The following OSTM1 variants were observed in gnomAD, a reference collection of about 807,000 sequenced individuals.
OSTM1 encodes osteoclastogenesis associated transmembrane protein 1.
OSTM1 carries 26 observed loss-of-function variants against 35.4 expected under a neutral mutation model. The observed-to-expected ratio is 0.73, with a 90% CI of 0.54 to 1.02. OSTM1 has a LOEUF of 1.02. OSTM1 is among the 50% of genes least tolerant of loss of function. OSTM1 has a pLI of 0.00. For synonymous variants in OSTM1, 181 were observed against 165.0 expected, an observed-to-expected ratio of 1.10 and a Z score of -0.75; for missense variants, 366 against 409.6, an observed-to-expected ratio of 0.89 and a Z score of 0.92.
chr6:108,064,982 C>T (rs1463763445), intron 1 of OSTM1, among the ~76,000 whole-genome samples: 1 of 152,168 alleles, frequency 6.6e-6, no homozygotes, highest in Non-Finnish European at 1.5e-5. Flanking sequence ...CCACAGCCTC[C>T]CAGGTAGCTG....
chr6:108,051,788 T>C (rs1300154659), intron 3 of OSTM1, among the ~76,000 whole-genome samples: 3 of 152,170 alleles, frequency 2.0e-5, no homozygotes, highest in Non-Finnish European at 4.4e-5. Flanking sequence ...TACCAAAGAA[T>C]TGTATAACCT....
chr6:108,045,127 TA>T (rs1390711583), intron 5 of OSTM1, among the ~76,000 whole-genome samples: 3 of 152,254 alleles, frequency 2.0e-5, no homozygotes, highest in African/African-American at 7.2e-5. Context: ...GTACGTGAAA[TA>T]AATGTACTTA....
In OSTM1 at chr6:108,074,475, G is replaced by A. The variant is rs377316819; in HGVS notation, c.177C>T (p.Ser59=). The change falls in exon 1 of 6, where the codon TCC becomes TCT. Residue 59 remains serine (S), a synonymous_variant. Transcript: ENST00000193322. ...EQQLLEVEDL[S]LSLLQGGGLG... ...GCCCTCCACCCTGCAGGAGGGACAG[G>A]GACAAGTCCTCCACCTCCAGCAACT... 180 of 1,557,658 alleles carry A rather than the reference G, an allele frequency of 1.2e-4. 1 individual carries two copies. The African/African-American group carries it at 2.3e-3, about 20-fold the overall frequency.
chr6:108,042,216 G>C lies in OSTM1; in HGVS notation c.*2569C>G, dbSNP rs1278886176. On this transcript the variant is annotated 3_prime_UTR_variant, in exon 6 of 6. Transcript: ENST00000193322. ...GGAGGCTAAGGCAGGAGGATCTCTT[G>C]AACTCAGGAGTTCAAGACCAGCTTG... 8.1e-6 allele frequency: 1 copy of C among 122,878 alleles called. No homozygotes were observed. Among genetic ancestry groups the C allele is most frequent in the Admixed American group, 1.1e-4 (1 of 9,230 alleles). The allele number at this position is 122,878 out of a possible 1,614,324, so 7.6% of individuals were successfully genotyped here. A position where few individuals can be genotyped will look rare whatever the true frequency, so the allele number is the denominator to read the frequency against.
chr6:108,071,868 C>T (rs941880904), intron 1 of OSTM1, among the ~76,000 whole-genome samples: 3 of 152,036 alleles, frequency 2.0e-5, no homozygotes, highest in Admixed American at 2.0e-4. Flanking sequence ...AGCTGGGTAC[C>T]CAGGTTGCTG....
At chr6:108,053,634 T>C (rs1772120474) in intron 3 of OSTM1, among the ~76,000 whole-genome samples, 1 of 152,078 alleles carries the variant, frequency 6.6e-6, no homozygotes, top group African/African-American at 2.4e-5. Context: ...CCTGGCTAAG[T>C]TTTGTATTTT....
intron 5 of OSTM1, among the ~76,000 whole-genome samples, chr6:108,046,454 G>A (rs1220656031): frequency 6.7e-6 from 1 of 149,882 alleles, no homozygotes; most frequent in Admixed American, 6.7e-5. Flanking sequence ...CGATTTTCCT[G>A]CCTCAGCCTC....
intron 1 of OSTM1, among the ~76,000 whole-genome samples, chr6:108,071,753 C>A (rs1024166837): frequency 6.6e-6 from 1 of 151,980 alleles, no homozygotes; most frequent in African/African-American, 2.4e-5. Flanking sequence ...GGAAATAAGG[C>A]GAGCCGAGAC....
At chr6:108,064,404 A>T in intron 1 of OSTM1, 105 bp from the exon 2 acceptor site, 1 of 713,390 alleles carries the variant, frequency 1.4e-6, no homozygotes, top group Non-Finnish European at 2.5e-6. Context: ...TAAGCTTTTT[A>T]ACATTTTGTT....
At chr6:108,048,859 C>T (rs561487442) in intron 5 of OSTM1, among the ~76,000 whole-genome samples, 1 of 145,280 alleles carries the variant, frequency 6.9e-6, no homozygotes, top group Non-Finnish European at 1.5e-5. Flanking sequence ...TCAAATGATT[C>T]TCCTGCCTCA....
At chr6:108,060,389 G>T (rs1772252471) in intron 2 of OSTM1, among the ~76,000 whole-genome samples, 1 of 152,132 alleles carries the variant, frequency 6.6e-6, no homozygotes, top group South Asian at 2.1e-4. Context: ...GGGGAAAAAA[G>T]GTCTGTACTT....
chr6:108,050,833 A>G (rs1772063219), intron 4 of OSTM1, among the ~76,000 whole-genome samples, 198 bp downstream of exon 4: 2 of 152,202 alleles, frequency 1.3e-5, no homozygotes, highest in African/African-American at 4.8e-5. Context: ...TTTTATCCTA[A>G]CCATGAGACT....
In OSTM1 at chr6:108,043,743, A is replaced by G. The variant is rs948182939; in HGVS notation, c.*1042T>C. ...TGATTGAAATAATTTAGAAACAATA[A>G]GGATGATCTTAATCTCACTATTTTC... On this transcript the variant is annotated 3_prime_UTR_variant, in exon 6 of 6. Transcript: ENST00000193322. The G allele has an allele frequency of 2.6e-5, 4 of 152,234 alleles. No homozygotes were observed. Among genetic ancestry groups the G allele is most frequent in the African/African-American group, 9.6e-5 (4 of 41,456 alleles). The allele number at this position is 152,234 out of a possible 1,614,324, so 9.4% of individuals were successfully genotyped here.
At chr6:108,062,234 T>C (rs1375000645) in intron 2 of OSTM1, among the ~76,000 whole-genome samples, 3 of 152,166 alleles carry the variant, frequency 2.0e-5, no homozygotes, top group Admixed American at 1.3e-4. Context: ...ACCATGACAG[T>C]TGACCTTATA....
Position 108,074,730 on chromosome 6 carries a change from G to A in OSTM1, c.-79C>T, listed in dbSNP as rs978269919. The A allele has an allele frequency of 1.4e-6, 2 of 1,398,104 alleles. No individual in the cohort carries two copies. Among genetic ancestry groups the A allele is most frequent in the Non-Finnish European group, 1.9e-6 (2 of 1,076,382 alleles). The allele number at this position is 1,398,104 out of a possible 1,614,324, so 86.6% of individuals were successfully genotyped here. A position where few individuals can be genotyped will look rare whatever the true frequency, so the allele number is the denominator to read the frequency against. On this transcript the variant is annotated 5_prime_UTR_variant, in exon 1 of 6. Coordinates refer to ENST00000193322, the MANE Select transcript of OSTM1 (RefSeq NM_014028.4). Reference sequence around the variant, plus strand: ...GCACCGCGGACAGCCGCCGCTTCCGGTTTCCGCGAGCGCAGGCCGAGAGCC... The same window carrying A: ...GCACCGCGGACAGCCGCCGCTTCCGATTTCCGCGAGCGCAGGCCGAGAGCC...
In OSTM1 at chr6:108,042,270, A is replaced by C. The variant is rs1771880241; in HGVS notation, c.*2515T>G. The C allele has an allele frequency of 1.1e-5, 1 of 87,992 alleles. No homozygotes were observed. The highest frequency in any genetic ancestry group is 1.2e-4 in the Admixed American group (1 of 8,356). 5.5% of individuals were successfully genotyped at this position (87,992 alleles called of 1,614,324 possible). A position where few individuals can be genotyped will look rare whatever the true frequency, so the allele number is the denominator to read the frequency against. On this transcript the variant is annotated 3_prime_UTR_variant, in exon 6 of 6. Coordinates refer to ENST00000193322, the MANE Select transcript of OSTM1 (RefSeq NM_014028.4). Reference sequence around the variant, plus strand: ...AACATAGTGAGACACTGTCTCTACAAAAAAAAAAAAAAAAAAAATTAATTA... The same window carrying C: ...AACATAGTGAGACACTGTCTCTACACAAAAAAAAAAAAAAAAAATTAATTA...
rs762895721 is a variant in OSTM1 at position 108,044,805 on chromosome 6, T to G, written c.985A>C (p.Ile329Leu). Reference sequence around the variant, plus strand: ...AGGTCTCAGTTTGAATTTTCCTGAATATTTGCAAAACTGGTACTGGACTTG... The same window carrying G: ...AGGTCTCAGTTTGAATTTTCCTGAAGATTTGCAAAACTGGTACTGGACTTG... ...RLKSSTSFAN[I>L]QENSN Residue 329 changes from isoleucine (I) to leucine (L), a missense_variant, in exon 6 of 6, where the codon ATT (isoleucine) becomes CTT (leucine). Physicochemically the swap from Ile to Leu is conservative, Grantham distance 5. This residue lies in a region of OSTM1 where 125 missense variants were observed against 151.7 expected (regional missense o/e 0.82). Coordinates refer to ENST00000193322, the MANE Select transcript of OSTM1 (RefSeq NM_014028.4). 1.3e-6 allele frequency: 2 copies of G among 1,582,294 alleles called. No homozygotes were observed. The highest frequency in any genetic ancestry group is 1.7e-6 in the Non-Finnish European group (2 of 1,155,414).
chr6:108,044,946 G>C (rs1771941317), intron 5 of OSTM1, 106 bp from the exon 6 acceptor site: 2 of 562,124 alleles, frequency 3.6e-6, no homozygotes, highest in Admixed American at 6.4e-5. Context: ...TTCTATGTTT[G>C]AATCCTAACA....
At chr6:108,071,293 TTTTTGTTTTG>T (rs918078632) in intron 1 of OSTM1, among the ~76,000 whole-genome samples, 41 of 151,292 alleles carry the variant, frequency 2.7e-4, no homozygotes, top group African/African-American at 9.7e-4. Context: ...TTTCCATAGG[TTTTTGTTTTG>T]TTTTGTTTTG....
Sources: gnomAD v4.1 joint callset for allele counts (sites outside exome capture counted in the v4.1 genomes callset) on GRCh38, gnomAD v4.1.1 for gene constraint, gnomAD v4.1.1 regional missense constraint, MANE v1.5 for transcripts, NCBI Gene and HGNC (gene_info 2026-07-23, HGNC 2026-07-21) for gene names.